The following SLIT3 variants were observed in gnomAD, a reference collection of about 807,000 sequenced individuals.
The protein encoded by SLIT3 is slit homolog 3 protein.
In SLIT3, 68 loss-of-function variants were observed where a neutral mutation model predicts 184.0. The ratio of observed to expected loss-of-function variants is 0.37; its 90% CI spans 0.30 to 0.45. SLIT3 has a LOEUF of 0.45. Ranked by LOEUF, SLIT3 falls within the 20% of genes least tolerant of loss-of-function variation. The probability of loss-of-function intolerance (pLI) is 1.00; values close to 1 mark genes in which losing one functional copy is unlikely to be tolerated. For synonymous variants in SLIT3, 831 were observed against 828.6 expected (o/e 1.00, Z -0.05); for missense variants, 1,707 against 2,026.0 (o/e 0.84, Z 3.02).
At chr5:168,700,793 C>G (rs1762191354) in intron 26 of SLIT3, 114 bp from the exon 27 acceptor site, 1 of 750,822 alleles carries the variant, frequency 1.3e-6, no homozygotes, top group African/African-American at 1.7e-5. Context: ...GAGATGACAA[C>G]AAGGAGCCCC....
chr5:168,867,831 T>A (rs1269351679), intron 5 of SLIT3, among the ~76,000 whole-genome samples: 2 of 151,968 alleles, frequency 1.3e-5, no homozygotes, highest in Non-Finnish European at 2.9e-5. Flanking sequence ...ATTAGCAAGA[T>A]TATTGACACC....
chr5:169,280,270 A>T (rs866776179), intron 1 of SLIT3, among the ~76,000 whole-genome samples: 30 of 152,212 alleles, frequency 2.0e-4, no homozygotes, highest in African/African-American at 7.2e-4. Flanking sequence ...ACAGGATCAA[A>T]TGCTTTTGGT....
chr5:168,806,357 C>T, intron 9 of SLIT3, 89 bp downstream of exon 9: 1 of 1,436,242 alleles, frequency 7.0e-7, no homozygotes, highest in Non-Finnish European at 9.7e-7. Context: ...AGCAGCCCCA[C>T]ACGCTGATGG....
intron 4 of SLIT3, among the ~76,000 whole-genome samples, chr5:168,888,373 T>C (rs1760302110): frequency 6.6e-6 from 1 of 152,210 alleles, no homozygotes; most frequent in Non-Finnish European, 1.5e-5. Flanking sequence ...CAAGGACAGA[T>C]TGCTGAAGAT....
chr5:169,057,484 A>C (rs1399253537), intron 4 of SLIT3, among the ~76,000 whole-genome samples: 4 of 152,234 alleles, frequency 2.6e-5, no homozygotes, highest in African/African-American at 9.6e-5. Context: ...CCAGAAATAG[A>C]GTGCAAAAGC....
At chr5:169,217,648 T>A (rs946420643) in intron 3 of SLIT3, among the ~76,000 whole-genome samples, 1 of 152,198 alleles carries the variant, frequency 6.6e-6, no homozygotes, top group Non-Finnish European at 1.5e-5. Context: ...TACTGCACGC[T>A]CAACACCAGT....
intron 4 of SLIT3, among the ~76,000 whole-genome samples, chr5:169,174,177 G>A (rs77730070): frequency 0.016 from 2,449 of 152,272 alleles, 74 homozygotes; most frequent in African/African-American, 0.057. Context: ...GGGGTCTTTC[G>A]GGCCATCCTA....
At chr5:169,132,285 C>A (rs1808647) in intron 4 of SLIT3, among the ~76,000 whole-genome samples, 18 of 151,764 alleles carry the variant, frequency 1.2e-4, no homozygotes, top group Non-Finnish European at 2.4e-4. Context: ...AGTAAGTTCT[C>A]AGCAAGTTTG....
intron 29 of SLIT3, among the ~76,000 whole-genome samples, chr5:168,690,551 C>T (rs545814802): frequency 2.6e-5 from 4 of 152,350 alleles, no homozygotes; most frequent in African/African-American, 9.6e-5. Context: ...CTTCCCACCC[C>T]TTGCCCCTTC....
intron 4 of SLIT3, among the ~76,000 whole-genome samples, chr5:168,900,686 A>T (rs1760835661): frequency 6.6e-6 from 1 of 152,222 alleles, no homozygotes; most frequent in African/African-American, 2.4e-5. Context: ...CACTATTCAC[A>T]ATAGTAAAGA....
Position 169,274,283 on chromosome 5 carries a change from C to T in SLIT3, c.198-22824G>A, listed in dbSNP as rs140171146. Among the ~76,000 whole-genome samples the T allele has an allele frequency of 3.7e-3, 561 of 152,300 alleles. 8 individuals carry two copies. The highest frequency in any genetic ancestry group is 4.0e-3 in the Non-Finnish European group (273 of 68,016). ...GGAAAAAGGAAGACATCTCCTTGGG[C>T]TAGGGCTGATGAAAGCCTTGTAGGA... is the stretch of plus-strand genomic sequence containing the variant. On this transcript the variant is annotated intron_variant, in intron 1 of 35. Coordinates refer to ENST00000519560, the MANE Select transcript of SLIT3 (RefSeq NM_003062.4).
intron 12 of SLIT3, among the ~76,000 whole-genome samples, chr5:168,783,717 G>C (rs564922904): frequency 1.2e-4 from 18 of 152,232 alleles, no homozygotes; most frequent in East Asian, 5.8e-4. Flanking sequence ...TCTACAGCAG[G>C]CTGAACACTA....
In SLIT3 at chr5:169,209,340, T is replaced by C. The variant is rs113630909; in HGVS notation, c.342-15790A>G. Among the ~76,000 whole-genome samples, 136 of 152,298 alleles carry C rather than the reference T, an allele frequency of 8.9e-4. 2 individuals are homozygous for C. The highest frequency in any genetic ancestry group is 3.4e-3 in the Middle Eastern group (1 of 294). The stretch of plus-strand genomic sequence containing the variant: ...AGGATATGGAGAAATAGGAACACTT[T>C]TACACGTTGGTGGGAGTGTAAATTA... On this transcript the variant is annotated intron_variant, in intron 3 of 35. Transcript: ENST00000519560.
chr5:169,237,562 G>A (rs1487912363), intron 3 of SLIT3, among the ~76,000 whole-genome samples: 1 of 152,162 alleles, frequency 6.6e-6, no homozygotes, highest in African/African-American at 2.4e-5. Flanking sequence ...CACCTCACCA[G>A]CAATTAGCAT....
At chr5:169,030,291 C>T (rs371377959) in intron 4 of SLIT3, 3 of 152,338 alleles carry the variant, frequency 2.0e-5, no homozygotes, top group African/African-American at 4.8e-5. Flanking sequence ...AAGGCCTTTC[C>T]TAGTCCACTT....
chr5:169,221,503 C>T (rs1332764746), intron 3 of SLIT3, among the ~76,000 whole-genome samples: 1 of 152,224 alleles, frequency 6.6e-6, no homozygotes, highest in East Asian at 1.9e-4. Flanking sequence ...CAGAGAGATG[C>T]CAAGACAATG....
intron 7 of SLIT3, among the ~76,000 whole-genome samples, chr5:168,822,165 T>C (rs1757555590): frequency 6.6e-6 from 1 of 152,184 alleles, no homozygotes; most frequent in East Asian, 1.9e-4. Context: ...GCTCTAAGGA[T>C]TTCCAAATCT....
At chr5:168,845,711 C>T (rs1391836224) in intron 5 of SLIT3, among the ~76,000 whole-genome samples, 1 of 151,906 alleles carries the variant, frequency 6.6e-6, no homozygotes, top group East Asian at 1.9e-4. Context: ...GCATATATTA[C>T]ATACATAACC....
intron 6 of SLIT3, among the ~76,000 whole-genome samples, chr5:168,833,137 GT>G (rs1184618687): frequency 6.6e-6 from 1 of 152,184 alleles, no homozygotes; most frequent in East Asian, 1.9e-4. Flanking sequence ...AGGTAAGACT[GT>G]TTTCCACCAG....
Sources: gnomAD v4.1 joint callset for allele counts (sites outside exome capture counted in the v4.1 genomes callset) on GRCh38, gnomAD v4.1.1 for gene constraint, MANE v1.5 for transcripts, NCBI Gene and HGNC (gene_info 2026-07-23, HGNC 2026-07-21) for gene names.